Variants in TYW1 observed in about 807,000 individuals in gnomAD.
TYW1 encodes tRNA-yW synthesizing protein 1 homolog, also known as S-adenosyl-L-methionine-dependent tRNA 4-demethylwyosine synthase TYW1.
Under a neutral mutation model 96.2 loss-of-function variants are expected in TYW1, and 46 were observed. The observed-to-expected ratio is 0.48, with a 90% confidence interval of 0.38 to 0.61. The LOEUF is 0.61. Among genes scored for constraint, TYW1 ranks in the 20% least tolerant of loss-of-function variants. TYW1 has a pLI of 0.00. For missense variants in TYW1, 684 were observed against 909.6 expected (o/e 0.75, Z 3.19); for synonymous variants, 274 against 323.0 (o/e 0.85, Z 1.63).
intron 15 of TYW1, among the ~76,000 whole-genome samples, chr7:67,220,893 A>G (rs939932884): frequency 1.1e-4 from 16 of 151,966 alleles, no homozygotes; most frequent in African/African-American, 3.9e-4. Flanking sequence ...ATGTGCCACC[A>G]TGCCCAGCTA....
chr7:67,232,628 C>T lies in TYW1; in HGVS notation c.1978-5680C>T, dbSNP rs1437541754. Among the ~76,000 whole-genome samples the T allele has an allele frequency of 6.0e-5, 8 of 134,218 alleles. 4 individuals carry two copies. Among genetic ancestry groups the T allele is most frequent in the African/African-American group, 1.8e-4 (6 of 33,524 alleles). The allele number at this position is 134,218 out of a possible 152,430, so 88.1% of individuals were successfully genotyped here. ...TCTATCTTGGAGTGATCTGCTGGATCATTTCCTTAGGGAATCCCAACCTCA... is the reference window on the plus strand; with the variant it reads ...TCTATCTTGGAGTGATCTGCTGGATTATTTCCTTAGGGAATCCCAACCTCA... On this transcript the variant is annotated intron_variant, in intron 15 of 15. Transcript: ENST00000359626.
chr7:67,185,115 G>A (rs1365631166), intron 14 of TYW1, among the ~76,000 whole-genome samples: 2 of 152,130 alleles, frequency 1.3e-5, no homozygotes, highest in African/African-American at 4.8e-5. Context: ...CTATCCTAGT[G>A]GAGTGGCTGA....
rs375343767 is a variant in TYW1, at chr7:67,017,927, C to T, written c.645C>T (p.Cys215=). The change falls in exon 6 of 16, where the codon TGC becomes TGT. Residue 215 remains cysteine, a synonymous_variant. Coordinates refer to ENST00000359626, the MANE Select transcript of TYW1 (RefSeq NM_018264.4). ...TGATGAGTCGAGGGGAGGGCGACTG[C>T]GACGTGGTTAAAAGCAAGCACGGCA... is the stretch of plus-strand genomic sequence containing the variant. ...HRVMSRGEGD[C]DVVKSKHGSI... The T allele has an allele frequency of 4.3e-5, 70 of 1,613,996 alleles. No homozygotes were observed. The highest frequency in any genetic ancestry group is 8.9e-5 in the East Asian group (4 of 44,894).
rs1282806342 is a variant in TYW1, at chr7:67,072,948, T to A, written c.1274+5545T>A. On this transcript the variant is annotated intron_variant, in intron 10 of 15. Coordinates refer to ENST00000359626, the MANE Select transcript of TYW1 (RefSeq NM_018264.4). ...ATGCCTATCCAGTTTTTTTTTTTTT[T>A]TTTTTTTTTTTTTTTTATAGAGACA... 5.3e-4 allele frequency among the ~76,000 whole-genome samples: 62 copies of A among 117,146 alleles called. 1 individual carries two copies. The South Asian group carries it at 0.016, about 31-fold the overall frequency. The allele number at this position is 117,146 out of a possible 152,430, so 76.9% of individuals were successfully genotyped here.
chr7:67,018,872 C>T (rs1474269712), intron 6 of TYW1, among the ~76,000 whole-genome samples: 1 of 149,640 alleles, frequency 6.7e-6, no homozygotes, highest in Non-Finnish European at 1.5e-5. Flanking sequence ...ACGAGAATCG[C>T]TTGAACCCGG....
chr7:67,036,168 T>C (rs1019673593), intron 7 of TYW1, among the ~76,000 whole-genome samples: 1 of 149,934 alleles, frequency 6.7e-6, no homozygotes, highest in African/African-American at 2.4e-5. Flanking sequence ...AGCACCAGAC[T>C]GGGCTCCAGG....
At chr7:67,235,068 G>A (rs1464905596) in intron 15 of TYW1, among the ~76,000 whole-genome samples, 1 of 152,144 alleles carries the variant, frequency 6.6e-6, no homozygotes, top group African/African-American at 2.4e-5. Context: ...GGAGCATCAG[G>A]ATTATGAACC....
intron 12 of TYW1, among the ~76,000 whole-genome samples, chr7:67,115,089 A>C (rs1196982847): frequency 6.6e-6 from 1 of 152,116 alleles, no homozygotes; most frequent in Admixed American, 6.6e-5. Flanking sequence ...TAAAAGGAGT[A>C]TGGCCTTTGG....
At chr7:67,180,411 TATATATATATATAA>T (rs1215089121) in intron 13 of TYW1, among the ~76,000 whole-genome samples, 260 of 117,336 alleles carry the variant, frequency 2.2e-3, no homozygotes, top group Admixed American at 6.4e-3. Flanking sequence ...TATATTTATA[TATATATATATATAA>T]TTTTTTTTTT....
intron 7 of TYW1, among the ~76,000 whole-genome samples, chr7:67,047,274 C>A (rs1795214824): frequency 6.6e-6 from 1 of 152,034 alleles, no homozygotes; most frequent in African/African-American, 2.4e-5. Flanking sequence ...TTAAAAAAAA[C>A]AAAGCAAACT....
chr7:67,029,405 GTGTGTGTGTGTATATA>G (rs1426529780), intron 7 of TYW1, among the ~76,000 whole-genome samples: 11 of 89,194 alleles, frequency 1.2e-4, no homozygotes, highest in Admixed American at 1.1e-3. Flanking sequence ...GTGTGTGTGT[GTGTGTGTGTGTATATA>G]TATATATATA....
intron 3 of TYW1, among the ~76,000 whole-genome samples, chr7:67,002,517 A>T (rs559123052): frequency 6.6e-6 from 1 of 152,338 alleles, no homozygotes; most frequent in African/African-American, 2.4e-5. Context: ...CTAATGAGAA[A>T]GCGAATTTGT....
intron 13 of TYW1, among the ~76,000 whole-genome samples, chr7:67,152,598 GT>G (rs932348433): frequency 6.6e-6 from 1 of 151,780 alleles, no homozygotes; most frequent in African/African-American, 2.4e-5. Context: ...ACAGTTTTTT[GT>G]TTTTTTCTTT....
intron 13 of TYW1, among the ~76,000 whole-genome samples, chr7:67,142,710 G>T (rs1213512249): frequency 6.6e-6 from 1 of 152,082 alleles, no homozygotes; most frequent in African/African-American, 2.4e-5. Flanking sequence ...GGGATTACAG[G>T]CATGAGCCAC....
chr7:67,006,948 CTTTTTTTTTTTTTTTTT>C (rs34475001), intron 3 of TYW1, among the ~76,000 whole-genome samples: 3 of 45,118 alleles, frequency 6.6e-5, no homozygotes, highest in East Asian at 1.5e-3. Flanking sequence ...AGATGTGAGG[CTTTTTTTTTTTTTTTTT>C]TTTTTTTTTT....
rs983540856 is a variant in TYW1 at position 67,018,218 on chromosome 7, A to G, written c.861+75A>G. Reference sequence around the variant, plus strand: ...GATCTCGAGCTTGACCTCTTTCTCAATAAACCATCTCGTTGGCTTCTGGTT... The same window carrying G: ...GATCTCGAGCTTGACCTCTTTCTCAGTAAACCATCTCGTTGGCTTCTGGTT... On this transcript the variant is annotated intron_variant, in intron 6 of 15. Transcript: ENST00000359626. The G allele has an allele frequency of 1.4e-5, 21 of 1,539,076 alleles. No homozygotes were observed. In the Admixed American group the frequency reaches 3.1e-4, roughly 23 times the overall value.
chr7:67,007,442 ACTC>A (rs1793637201), intron 3 of TYW1, among the ~76,000 whole-genome samples: 1 of 151,304 alleles, frequency 6.6e-6, no homozygotes, highest in African/African-American at 2.4e-5. Flanking sequence ...AACCTGGACA[ACTC>A]CTAGGCAAGA....
At chr7:67,031,172 G>A (rs1165596517) in intron 7 of TYW1, among the ~76,000 whole-genome samples, 4 of 129,432 alleles carry the variant, frequency 3.1e-5, no homozygotes, top group Non-Finnish European at 1.6e-5. Context: ...CAGCCTAGGC[G>A]ACAGAGCGAG....
chr7:67,118,098 G>A lies in TYW1; in HGVS notation c.1698+480G>A, dbSNP rs138354949. Among the ~76,000 whole-genome samples, 75 of 152,320 alleles carry A rather than the reference G, an allele frequency of 4.9e-4. 1 individual carries two copies. The East Asian group carries it at 0.014, about 28-fold the overall frequency. On this transcript the variant is annotated intron_variant, in intron 13 of 15. Coordinates refer to ENST00000359626, the MANE Select transcript of TYW1 (RefSeq NM_018264.4). ...CCAGTACTTTGGGAGGGCGAGGCAG[G>A]TGGATCACTTGAGGTCAGGAGTTCA...
Sources: allele counts gnomAD v4.1 joint callset (sites outside exome capture counted in the v4.1 genomes callset), GRCh38; gene constraint gnomAD v4.1.1; transcripts MANE v1.5; gene names NCBI Gene and HGNC (gene_info 2026-07-23, HGNC 2026-07-21).